The following KCNMA1 variants were observed in gnomAD, a reference collection of about 807,000 sequenced individuals.
KCNMA1 encodes potassium calcium-activated channel subfamily M alpha 1.
KCNMA1 carries 29 observed loss-of-function variants against 140.0 expected under a neutral mutation model. The ratio of observed to expected loss-of-function variants is 0.21; its 90% CI spans 0.15 to 0.28. The LOEUF (loss-of-function observed/expected upper bound fraction) is 0.28. KCNMA1 is among the 10% of genes least tolerant of loss of function. The probability of loss-of-function intolerance (pLI) is 1.00; values close to 1 mark genes in which losing one functional copy is unlikely to be tolerated. For synonymous variants in KCNMA1, 612 were observed against 611.9 expected (o/e 1.00, Z 0.00); for missense variants, 880 against 1,602.2 (o/e 0.55, Z 7.70).
intron 2 of KCNMA1, among the ~76,000 whole-genome samples, chr10:77,291,875 T>C (rs2154312453): frequency 6.6e-6 from 1 of 152,298 alleles, no homozygotes; most frequent in Admixed American, 6.5e-5. Flanking sequence ...GTTAGATAAA[T>C]TCCCCAGGGG....
At chr10:77,257,089 G>A (rs892213342) in intron 2 of KCNMA1, among the ~76,000 whole-genome samples, 3 of 152,120 alleles carry the variant, frequency 2.0e-5, no homozygotes, top group African/African-American at 7.2e-5. Flanking sequence ...CAACGTGGGT[G>A]ACAAGGCAAG....
At chr10:77,059,505 A>C (rs1026520548) in intron 14 of KCNMA1, among the ~76,000 whole-genome samples, 1 of 152,148 alleles carries the variant, frequency 6.6e-6, no homozygotes, top group African/African-American at 2.4e-5. Context: ...AATCACACTA[A>C]CTAGGGTCTC....
chr10:77,116,040 T>C (rs1254344555), intron 6 of KCNMA1, among the ~76,000 whole-genome samples: 1 of 152,160 alleles, frequency 6.6e-6, no homozygotes, highest in Non-Finnish European at 1.5e-5. Flanking sequence ...TATCTCTGTG[T>C]GGAGATAGTC....
chr10:77,048,851 C>T (rs1190968394), intron 14 of KCNMA1, among the ~76,000 whole-genome samples: 2 of 152,110 alleles, frequency 1.3e-5, no homozygotes, highest in Non-Finnish European at 2.9e-5. Context: ...AGCTCCCCCT[C>T]GCGGGTTCAT....
At chr10:77,560,248 A>G (rs1462692706) in intron 1 of KCNMA1, among the ~76,000 whole-genome samples, 7 of 152,232 alleles carry the variant, frequency 4.6e-5, no homozygotes, top group Non-Finnish European at 1.0e-4. Flanking sequence ...CACAGAATCA[A>G]CTGAATCATT....
At chr10:76,931,446 A>G (rs1036342801) in intron 23 of KCNMA1, among the ~76,000 whole-genome samples, 1 of 151,922 alleles carries the variant, frequency 6.6e-6, no homozygotes, top group Non-Finnish European at 1.5e-5. Flanking sequence ...GGGTAGGTAC[A>G]AGACCCCTTT....
At chr10:76,891,932 TAAA>T (rs1351211649) in intron 25 of KCNMA1, among the ~76,000 whole-genome samples, 2 of 152,298 alleles carry the variant, frequency 1.3e-5, no homozygotes, top group South Asian at 4.1e-4. Flanking sequence ...CAGCCTGACT[TAAA>T]AAACCCAGTT....
chr10:77,099,680 C>G (rs1564530359), intron 9 of KCNMA1, among the ~76,000 whole-genome samples: 1 of 148,970 alleles, frequency 6.7e-6, no homozygotes, highest in Non-Finnish European at 1.5e-5. Context: ...CGCCATTGCA[C>G]TCCAGCCTGG....
chr10:77,435,568 G>T (rs2154500405), intron 1 of KCNMA1, among the ~76,000 whole-genome samples: 1 of 152,284 alleles, frequency 6.6e-6, no homozygotes, highest in African/African-American at 2.4e-5. Flanking sequence ...GTGACTCAGG[G>T]TCCTGTCCAT....
intron 5 of KCNMA1, among the ~76,000 whole-genome samples, chr10:77,148,750 C>T (rs966686596): frequency 8.5e-5 from 13 of 152,136 alleles, no homozygotes; most frequent in Non-Finnish European, 8.8e-5. Context: ...ACAGATGATA[C>T]AAAAATGAAT....
intron 5 of KCNMA1, among the ~76,000 whole-genome samples, chr10:77,134,997 C>CAAAAAAGAAAA (rs2097962947): frequency 8.5e-5 from 1 of 11,768 alleles, no homozygotes; most frequent in Non-Finnish European, 1.8e-4. Flanking sequence ...GACTCTGTCT[C>CAAAAAAGAAAA]AAAAAAAAAA....
intron 2 of KCNMA1, among the ~76,000 whole-genome samples, chr10:77,278,623 A>C (rs1253001860): frequency 2.6e-5 from 4 of 152,240 alleles, no homozygotes. Context: ...CAGTGAAGAC[A>C]AAAAATATTT....
intron 2 of KCNMA1, among the ~76,000 whole-genome samples, chr10:77,329,443 G>C (rs1422638756): frequency 6.6e-6 from 1 of 152,182 alleles, no homozygotes; most frequent in African/African-American, 2.4e-5. Context: ...TCTTCTGCCA[G>C]GTGAGGACAC....
intron 2 of KCNMA1, among the ~76,000 whole-genome samples, chr10:77,352,707 T>C (rs1566178230): frequency 6.6e-6 from 1 of 152,158 alleles, no homozygotes; most frequent in Non-Finnish European, 1.5e-5. Flanking sequence ...CACTGGCCTA[T>C]GGCCAGGGTC....
At chr10:77,040,883 A>G (rs565428847) in intron 14 of KCNMA1, among the ~76,000 whole-genome samples, 4 of 152,332 alleles carry the variant, frequency 2.6e-5, no homozygotes, top group Non-Finnish European at 5.9e-5. Context: ...TCCAAATTTC[A>G]TTAAAATATG....
chr10:77,410,430 G>A (rs1194416143), intron 1 of KCNMA1, among the ~76,000 whole-genome samples: 1 of 152,216 alleles, frequency 6.6e-6, no homozygotes, highest in Non-Finnish European at 1.5e-5. Flanking sequence ...CCTCCCTGCT[G>A]CCTGCCTAGA....
intron 1 of KCNMA1, among the ~76,000 whole-genome samples, chr10:77,619,331 TCTCTCTCTCTC>T (rs2090639382): frequency 6.6e-6 from 1 of 151,814 alleles, no homozygotes; most frequent in African/African-American, 2.4e-5. Context: ...TCTCTCTCTC[TCTCTCTCTCTC>T]TCTCGTATGC....
chr10:76,986,693 G>A (rs911578173), intron 19 of KCNMA1, among the ~76,000 whole-genome samples: 2 of 152,182 alleles, frequency 1.3e-5, no homozygotes, highest in Non-Finnish European at 2.9e-5. Context: ...ACAATTAAAG[G>A]TGCACACCCT....
chr10:77,233,541 C>A (rs2054327226), intron 3 of KCNMA1, among the ~76,000 whole-genome samples: 1 of 152,226 alleles, frequency 6.6e-6, no homozygotes. Context: ...TATGATCAAA[C>A]AGCAAACTGT....
Sources: allele counts gnomAD v4.1 joint callset (sites outside exome capture counted in the v4.1 genomes callset), GRCh38; gene constraint gnomAD v4.1.1; transcripts MANE v1.5; gene names NCBI Gene and HGNC (gene_info 2026-07-23, HGNC 2026-07-21).